KHDRBS3: variants seen among roughly 807,000 people sequenced by gnomAD.
The protein encoded by KHDRBS3 is KH domain-containing, RNA-binding, signal transduction-associated protein 3.
A neutral mutation model predicts 45.6 loss-of-function variants in KHDRBS3; 23 were observed. The observed-to-expected ratio is 0.50, with a 90% CI of 0.36 to 0.72. KHDRBS3 has a LOEUF of 0.72. KHDRBS3 is among the 30% of genes least tolerant of loss of function. KHDRBS3 has a pLI of 0.00. For synonymous variants in KHDRBS3, 162 were observed against 156.5 expected, an observed-to-expected ratio of 1.04 and a Z score of -0.26; for missense variants, 352 against 424.8, an observed-to-expected ratio of 0.83 and a Z score of 1.51.
intron 1 of KHDRBS3, among the ~76,000 whole-genome samples, chr8:135,514,355 T>C (rs1824457321): frequency 6.6e-6 from 1 of 152,364 alleles, no homozygotes; most frequent in Middle Eastern, 3.4e-3. Flanking sequence ...ATGTGTTATA[T>C]AGCTACAGTG....
At chr8:135,465,904 G>C (rs1586551619) in intron 1 of KHDRBS3, among the ~76,000 whole-genome samples, 2 of 152,140 alleles carry the variant, frequency 1.3e-5, no homozygotes, top group East Asian at 3.9e-4. Flanking sequence ...CTTACACTTG[G>C]GGTCACTGTT....
chr8:135,486,694 G>C (rs1012204964), intron 1 of KHDRBS3, among the ~76,000 whole-genome samples: 1 of 152,188 alleles, frequency 6.6e-6, no homozygotes, highest in Non-Finnish European at 1.5e-5. Context: ...AGATATGTAT[G>C]TCTTGTGTTT....
chr8:135,464,478 T>C (rs933255889), intron 1 of KHDRBS3, among the ~76,000 whole-genome samples: 6 of 152,236 alleles, frequency 3.9e-5, no homozygotes, highest in Non-Finnish European at 7.3e-5. Context: ...ATACTTTGCT[T>C]ATCACAAAAA....
At chr8:135,543,433 T>G (rs1316972744) in intron 3 of KHDRBS3, among the ~76,000 whole-genome samples, 1 of 152,196 alleles carries the variant, frequency 6.6e-6, no homozygotes, top group Non-Finnish European at 1.5e-5. Context: ...TTCTCATTAT[T>G]AAAAGATTTA....
chr8:135,527,824 C>T (rs1046817587), intron 2 of KHDRBS3, among the ~76,000 whole-genome samples: 10 of 152,150 alleles, frequency 6.6e-5, no homozygotes, highest in African/African-American at 1.4e-4. Context: ...TTTGAAAAAG[C>T]GAACCAGAAT....
chr8:135,619,416 GA>G (rs199626464), intron 7 of KHDRBS3, among the ~76,000 whole-genome samples: 31,294 of 146,266 alleles, frequency 0.21, 3,704 homozygotes, highest in Middle Eastern at 0.29. Context: ...TTACATAGAG[GA>G]AAAAAAAAAA....
chr8:135,507,956 G>A (rs537911571), intron 1 of KHDRBS3, among the ~76,000 whole-genome samples: 44 of 152,176 alleles, frequency 2.9e-4, no homozygotes, highest in African/African-American at 9.6e-4. Context: ...TGCCTGTTTG[G>A]CCGTTTTCAG....
intron 5 of KHDRBS3, among the ~76,000 whole-genome samples, chr8:135,571,206 A>G (rs529429710): frequency 2.2e-4 from 33 of 152,314 alleles, no homozygotes; most frequent in African/African-American, 7.9e-4. Context: ...GAAGCTTGAC[A>G]CCTGGGTTGC....
intron 1 of KHDRBS3, among the ~76,000 whole-genome samples, chr8:135,459,766 C>A (rs1024554463): frequency 3.3e-5 from 5 of 152,196 alleles, no homozygotes; most frequent in Non-Finnish European, 7.4e-5. Flanking sequence ...GTTGCTAAAA[C>A]GTCCAAAATT....
At chr8:135,654,908 T>G (rs1831501350) in intron 4 of KHDRBS3, among the ~76,000 whole-genome samples, 1 of 152,210 alleles carries the variant, frequency 6.6e-6, no homozygotes, top group Non-Finnish European at 1.5e-5. Flanking sequence ...AGATCTTTTA[T>G]CTCTCTCAGC....
chr8:135,533,375 G>T (rs556070654), intron 2 of KHDRBS3, among the ~76,000 whole-genome samples: 2 of 152,148 alleles, frequency 1.3e-5, no homozygotes, highest in African/African-American at 2.4e-5. Flanking sequence ...AGTCTTCTCA[G>T]TTGGAGCTAT....
chr8:135,542,904 G>A, intron 3 of KHDRBS3, 134 bp downstream of exon 3: 1 of 608,676 alleles, frequency 1.6e-6, no homozygotes, highest in Non-Finnish European at 2.9e-6. Flanking sequence ...GAGTCACTCT[G>A]GTCAGCTTCA....
At chr8:135,522,772 T>C (rs1464261772) in intron 2 of KHDRBS3, among the ~76,000 whole-genome samples, 1 of 152,262 alleles carries the variant, frequency 6.6e-6, no homozygotes, top group Non-Finnish European at 1.5e-5. Flanking sequence ...CTGTATTTTC[T>C]CTAAAAGTGT....
At chr8:135,596,118 T>C (rs572692856) in intron 6 of KHDRBS3, among the ~76,000 whole-genome samples, 1 of 152,206 alleles carries the variant, frequency 6.6e-6, no homozygotes, top group Admixed American at 6.5e-5. Flanking sequence ...CTCATGTGAC[T>C]ATTTCCTCAA....
At chr8:135,477,315 T>C (rs1303118083) in intron 1 of KHDRBS3, among the ~76,000 whole-genome samples, 2 of 152,220 alleles carry the variant, frequency 1.3e-5, no homozygotes, top group African/African-American at 4.8e-5. Context: ...TCAAAACCTG[T>C]GCTTTTTTTG....
chr8:135,609,534 G>T (rs1169949705), intron 7 of KHDRBS3, among the ~76,000 whole-genome samples: 5 of 152,026 alleles, frequency 3.3e-5, no homozygotes, highest in African/African-American at 1.2e-4. Flanking sequence ...GGCTCAAGCA[G>T]TGTGCCCACC....
chr8:135,628,963 C>A (rs772062763), intron 7 of KHDRBS3, among the ~76,000 whole-genome samples: 1 of 152,210 alleles, frequency 6.6e-6, no homozygotes, highest in Non-Finnish European at 1.5e-5. Context: ...GAGAGATAAT[C>A]ATTTCTCTCA....
chr8:135,529,228 GAA>G (rs1237314850), intron 2 of KHDRBS3, among the ~76,000 whole-genome samples: 1 of 152,200 alleles, frequency 6.6e-6, no homozygotes, highest in East Asian at 1.9e-4. Flanking sequence ...GAACTGGAAA[GAA>G]GAGAACCGGT....
chr8:135,630,423 C>CT (rs913102245), intron 7 of KHDRBS3, among the ~76,000 whole-genome samples: 2 of 151,556 alleles, frequency 1.3e-5, no homozygotes, highest in Non-Finnish European at 2.9e-5. Flanking sequence ...ACCAAACCTA[C>CT]TTTTTTTTTC....
Sources: allele counts gnomAD v4.1 joint callset (sites outside exome capture counted in the v4.1 genomes callset), GRCh38; gene constraint gnomAD v4.1.1; transcripts MANE v1.5; gene names NCBI Gene and HGNC (gene_info 2026-07-23, HGNC 2026-07-21).